GOLGA3: variants seen among roughly 807,000 people sequenced by gnomAD.
GOLGA3 encodes golgin subfamily A member 3.
Under a neutral mutation model 169.4 loss-of-function variants are expected in GOLGA3, and 75 were observed. That is an observed-to-expected ratio of 0.44 (90% CI 0.37 to 0.54). The LOEUF is 0.54. Among genes scored for constraint, GOLGA3 ranks in the 20% least tolerant of loss-of-function variants. The pLI, the probability that GOLGA3 is intolerant of heterozygous loss-of-function variation, is 0.00. For missense variants in GOLGA3, 1,899 were observed against 1,930.0 expected, an observed-to-expected ratio of 0.98 and a Z score of 0.30; for synonymous variants, 824 against 822.4, an observed-to-expected ratio of 1.00 and a Z score of -0.03.
chr12:132,786,242 G>A, intron 15 of GOLGA3, 97 bp downstream of exon 15: 4 of 826,908 alleles, frequency 4.8e-6, no homozygotes, highest in Non-Finnish European at 7.6e-6. Flanking sequence ...ACGCGAGCTC[G>A]GCCCCGCTAG....
chr12:132,818,820 C>T (rs1950095409), intron 2 of GOLGA3, among the ~76,000 whole-genome samples: 1 of 152,058 alleles, frequency 6.6e-6, no homozygotes, highest in Non-Finnish European at 1.5e-5. Flanking sequence ...GCAGAGACAG[C>T]CCAGAACCGC....
chr12:132,779,802 C>A (rs1175456460), intron 18 of GOLGA3, among the ~76,000 whole-genome samples: 1 of 114,466 alleles, frequency 8.7e-6, no homozygotes, highest in Non-Finnish European at 1.8e-5. Context: ...ACACCCCAGG[C>A]ACACACGTGT....
In GOLGA3 at chr12:132,792,009, G is replaced by A. The variant is rs893764419; in HGVS notation, c.2470-716C>T. On this transcript the variant is annotated intron_variant, in intron 11 of 23. Coordinates refer to ENST00000450791, the MANE Select transcript of GOLGA3 (RefSeq NM_001389683.1). Reference sequence around the variant, plus strand: ...TGAGGGCTCCAAGAGGGGGATGCATGTGCATGAATATTACACTGAGGGCTA... The same window carrying A: ...TGAGGGCTCCAAGAGGGGGATGCATATGCATGAATATTACACTGAGGGCTA... Among the ~76,000 whole-genome samples the A allele has an allele frequency of 5.1e-4, 75 of 146,832 alleles. 1 individual carries two copies. The highest frequency in any genetic ancestry group is 1.1e-4 in the Non-Finnish European group (7 of 66,600).
intron 16 of GOLGA3, chr12:132,783,797 C>T (rs955075435): frequency 9.4e-6 from 7 of 741,844 alleles, no homozygotes; most frequent in Admixed American, 3.8e-5. Context: ...AGGCTGGTCT[C>T]GAGCTCCTAA....
At chr12:132,828,161 C>G (rs1222927567) in intron 1 of GOLGA3, among the ~76,000 whole-genome samples, 2 of 152,144 alleles carry the variant, frequency 1.3e-5, no homozygotes, top group Admixed American at 6.5e-5. Context: ...AAGTCGCCCG[C>G]CCCCCAGGCT....
intron 4 of GOLGA3, among the ~76,000 whole-genome samples, chr12:132,810,394 C>A (rs879434914): frequency 2.0e-4 from 31 of 152,016 alleles, no homozygotes; most frequent in Admixed American, 2.0e-3. Flanking sequence ...ACTGAGGACG[C>A]GAACTGTTCC....
intron 17 of GOLGA3, among the ~76,000 whole-genome samples, chr12:132,781,125 T>G (rs2045580509): frequency 6.6e-6 from 1 of 152,166 alleles, no homozygotes. Context: ...GGCACGCCTG[T>G]GGGCCCCACG....
At chr12:132,789,384 C>G in intron 12 of GOLGA3, 94 bp from the exon 13 acceptor site, 1 of 1,079,490 alleles carries the variant, frequency 9.3e-7, no homozygotes, top group Non-Finnish European at 1.3e-6. Flanking sequence ...ATGTTTACCA[C>G]TTATCGGGGG....
chr12:132,777,876 G>A lies in GOLGA3; in HGVS notation c.3583-71C>T, dbSNP rs1008784590. The A allele has an allele frequency of 1.6e-5, 25 of 1,543,798 alleles. No homozygotes were observed. In the African/African-American group the frequency reaches 2.9e-4, roughly 18 times the overall value. On this transcript the variant is annotated intron_variant, in intron 18 of 23. Coordinates refer to ENST00000450791, the MANE Select transcript of GOLGA3 (RefSeq NM_001389683.1). The surrounding 1 kb of genome is among the most constrained non-coding windows in gnomAD (Gnocchi z 4.7). Reference sequence around the variant, plus strand: ...CAGCTTTATGACGTGCCGGGCGCAGGGGGTGAATGCACTCCCGGCCCCGTG... The same window carrying A: ...CAGCTTTATGACGTGCCGGGCGCAGAGGGTGAATGCACTCCCGGCCCCGTG...
At chr12:132,784,902 TCACACCTCACACATGCA>T (rs2136336130) in intron 15 of GOLGA3, among the ~76,000 whole-genome samples, 1 of 152,190 alleles carries the variant, frequency 6.6e-6, no homozygotes, top group African/African-American at 2.4e-5. Context: ...ACACACATGC[TCACACCTCACACATGCA>T]CGGATACATG....
intron 4 of GOLGA3, chr12:132,811,756 C>G: frequency 1.9e-6 from 1 of 539,922 alleles, no homozygotes; most frequent in Non-Finnish European, 2.4e-6. Flanking sequence ...GCCACTGCAC[C>G]CAGCCAGATT....
rs747533345 is a variant in GOLGA3, at chr12:132,816,707, G to GCA, written c.238_239insTG (p.Ser80LeufsTer26). 4 of 1,614,008 alleles carry GCA rather than the reference G, an allele frequency of 2.5e-6. No individual in the cohort carries two copies. The African/African-American group carries it at 5.3e-5, about 22-fold the overall frequency. The stretch of plus-strand genomic sequence containing the variant: ...TGGGCTTGTGGTGGGATCGAGAGAC[G>GCA]ACGGAGGGTCTGGGAAGGGTGGCGT... On this transcript the variant is annotated frameshift_variant, in exon 3 of 24. Coordinates refer to ENST00000450791, the MANE Select transcript of GOLGA3 (RefSeq NM_001389683.1). LOFTEE classifies it high-confidence loss of function.
intron 8 of GOLGA3, among the ~76,000 whole-genome samples, chr12:132,798,962 A>C (rs960176005): frequency 1.3e-5 from 2 of 152,188 alleles, no homozygotes; most frequent in South Asian, 4.1e-4. Context: ...GCTCAGGCCC[A>C]CGCTGGCCAA....
At chr12:132,799,732 G>A (rs978763823) in intron 8 of GOLGA3, among the ~76,000 whole-genome samples, 8 of 151,616 alleles carry the variant, frequency 5.3e-5, no homozygotes, top group Non-Finnish European at 1.0e-4. Context: ...ATACTTCCTT[G>A]TTGTTGGTTT....
At chr12:132,821,010 G>T (rs1244654490) in intron 2 of GOLGA3, among the ~76,000 whole-genome samples, 1 of 145,684 alleles carries the variant, frequency 6.9e-6, no homozygotes, top group Non-Finnish European at 1.5e-5. Flanking sequence ...TGAAGCAGGA[G>T]AATCGCTTGA....
chr12:132,792,757 CGGACTG>C (rs1948612174), intron 11 of GOLGA3, among the ~76,000 whole-genome samples: 1 of 130,986 alleles, frequency 7.6e-6, no homozygotes. Flanking sequence ...GGGCTCCACA[CGGACTG>C]ACCGCACGGG....
chr12:132,770,450 A>G lies in GOLGA3; in HGVS notation c.*2655T>C, dbSNP rs1014725490. ...AGCGCTGGGGGAGGCATCGCACCCAAGGGCACACACGCAGGAAAACCGGGG... is the reference window on the plus strand; with the variant it reads ...AGCGCTGGGGGAGGCATCGCACCCAGGGGCACACACGCAGGAAAACCGGGG... On this transcript the variant is annotated 3_prime_UTR_variant, in exon 24 of 24. Transcript: ENST00000450791. 1.2e-4 allele frequency: 19 copies of G among 152,072 alleles called. No individual in the cohort carries two copies. Among genetic ancestry groups the G allele is most frequent in the Admixed American group, 1.2e-3 (19 of 15,266 alleles). 9.4% of individuals were successfully genotyped at this position (152,072 alleles called of 1,614,324 possible).
Position 132,796,021 on chromosome 12 carries a change from G to A in GOLGA3, c.2300C>T (p.Thr767Met), listed in dbSNP as rs1364466376. Residue 767 changes from threonine (T) to methionine (M), a missense_variant, in exon 11 of 24, where the codon ACG becomes ATG. Coordinates refer to ENST00000450791, the MANE Select transcript of GOLGA3 (RefSeq NM_001389683.1). ...CTTCTCGTTCTGCAGGAGGCAGATC[G>A]TGTCCTCCCTGGAGGCGGCCTCGCC... ...LQGEAASRED[T>M]ICLLQNEKII... is the part of the protein sequence containing the mutation. The A allele has an allele frequency of 3.7e-6, 6 of 1,612,872 alleles. No individual in the cohort carries two copies. The South Asian group carries it at 4.4e-5, about 12-fold the overall frequency.
At chr12:132,796,854 T>C (rs1593299649) in intron 9 of GOLGA3, among the ~76,000 whole-genome samples, 154 bp from the exon 10 acceptor site, 1 of 152,348 alleles carries the variant, frequency 6.6e-6, no homozygotes. Flanking sequence ...GGGCCCAGGA[T>C]GGGCAGCTTG....
Sources: allele counts gnomAD v4.1 joint callset (sites outside exome capture counted in the v4.1 genomes callset), GRCh38; gene constraint gnomAD v4.1.1; non-coding constraint Gnocchi (gnomAD v3.1); transcripts MANE v1.5; gene names NCBI Gene and HGNC (gene_info 2026-07-23, HGNC 2026-07-21).